The following SLC44A5 variants were observed in gnomAD, a reference collection of about 807,000 sequenced individuals.
SLC44A5 encodes the protein choline transporter-like protein 5.
Under a neutral mutation model 101.8 loss-of-function variants are expected in SLC44A5, and 57 were observed. The observed-to-expected ratio is 0.56, with a 90% confidence interval of 0.45 to 0.70. The LOEUF is 0.70. Ranked by LOEUF, SLC44A5 falls within the 30% of genes least tolerant of loss-of-function variation. The pLI is 0.00. For synonymous variants in SLC44A5, 281 were observed against 290.9 expected, an observed-to-expected ratio of 0.97 and a Z score of 0.35; for missense variants, 737 against 853.1, an observed-to-expected ratio of 0.86 and a Z score of 1.70.
At chr1:75,557,750 G>A (rs1295918991) in intron 1 of SLC44A5, among the ~76,000 whole-genome samples, 2 of 151,962 alleles carry the variant, frequency 1.3e-5, no homozygotes. Flanking sequence ...CCAGTATTTT[G>A]GTCAATTAGA....
chr1:75,635,309 G>A, the SLC44A5 span, among the ~76,000 whole-genome samples: 1 of 151,944 alleles, frequency 6.6e-6, no homozygotes, highest in Non-Finnish European at 1.5e-5. Flanking sequence ...CCATTACTGG[G>A]TATATACCCA....
intron 20 of SLC44A5, 137 bp downstream of exon 20, chr1:75,214,468 A>C: frequency 1.6e-6 from 1 of 622,842 alleles, no homozygotes; most frequent in South Asian, 2.9e-5. Context: ...ATGAGAGAGA[A>C]TATTTAAATC....
the SLC44A5 span, among the ~76,000 whole-genome samples, chr1:75,637,518 G>C: frequency 6.6e-6 from 1 of 152,058 alleles, no homozygotes; most frequent in Admixed American, 6.6e-5. Flanking sequence ...GGAATGGAGA[G>C]TTATTGCTTA....
At position 75,275,120 on chromosome 1, in the gene SLC44A5, A is replaced by G. The variant is rs1007849727; in HGVS notation, c.176-78T>C. On this transcript the variant is annotated intron_variant, in intron 5 of 23. Transcript: ENST00000370859. ...AGTTTGATTTGAGATATTAGAATGCACCACTGCAACACACTAACCTCTCCC... is the reference window on the plus strand; with the variant it reads ...AGTTTGATTTGAGATATTAGAATGCGCCACTGCAACACACTAACCTCTCCC... 9.2e-6 allele frequency: 9 copies of G among 973,056 alleles called. No homozygotes were observed. In the African/African-American group the frequency reaches 1.3e-4, roughly 14 times the overall value. The allele number at this position is 973,056 out of a possible 1,614,324, so 60.3% of individuals were successfully genotyped here.
Position 75,364,895 on chromosome 1 carries a change from T to A in SLC44A5, c.53-25265A>T, listed in dbSNP as rs149521960. On this transcript the variant is annotated intron_variant, in intron 3 of 23. Transcript: ENST00000370859. ...GAAGTTTTCTACTAAATATTTTTGT[T>A]CACTTATTGTATTTTTATTTCTAGG... Among the ~76,000 whole-genome samples the A allele has an allele frequency of 3.7e-4, 57 of 152,268 alleles. No individual in the cohort carries two copies. The East Asian group carries it at 9.8e-3, about 26-fold the overall frequency.
In SLC44A5 at chr1:75,242,079, A is replaced by G; in HGVS notation, c.472-18T>C. 3 of 1,605,998 alleles carry G rather than the reference A, an allele frequency of 1.9e-6. No individual in the cohort carries two copies. The highest frequency in any genetic ancestry group is 2.6e-6 in the Non-Finnish European group (3 of 1,173,644). Reference sequence around the variant, plus strand: ...GTGAGAGACTAAAATAGAAGGAAGAACGTTAACATTTCAAAGGCCATGTGA... The same window carrying G: ...GTGAGAGACTAAAATAGAAGGAAGAGCGTTAACATTTCAAAGGCCATGTGA... On this transcript the variant is annotated intron_variant, in intron 8 of 23. Coordinates refer to ENST00000370859, the MANE Select transcript of SLC44A5 (RefSeq NM_001130058.2).
intron 3 of SLC44A5, among the ~76,000 whole-genome samples, chr1:75,374,780 A>G (rs2101195353): frequency 6.6e-6 from 1 of 152,302 alleles, no homozygotes; most frequent in South Asian, 2.1e-4. Context: ...TTGGCCCTCT[A>G]AAAGCACATA....
At chr1:75,422,910 C>A (rs543928585) in intron 2 of SLC44A5, among the ~76,000 whole-genome samples, 1 of 152,298 alleles carries the variant, frequency 6.6e-6, no homozygotes, top group East Asian at 1.9e-4. Context: ...GAGACTCAGA[C>A]TTAACAGAAG....
chr1:75,659,261 C>G, the SLC44A5 span, among the ~76,000 whole-genome samples: 1 of 141,054 alleles, frequency 7.1e-6, no homozygotes, highest in Non-Finnish European at 1.5e-5. Context: ...TTCTATGAAG[C>G]CAGCATTACT....
chr1:75,679,852 T>G, the SLC44A5 span, among the ~76,000 whole-genome samples: 1 of 152,146 alleles, frequency 6.6e-6, no homozygotes, highest in South Asian at 2.1e-4. Context: ...ATCAGTGTGC[T>G]GTATTCAGGA....
chr1:75,666,055 A>C, the SLC44A5 span, among the ~76,000 whole-genome samples: 1 of 152,334 alleles, frequency 6.6e-6, no homozygotes, highest in South Asian at 2.1e-4. Flanking sequence ...TGTGGAAAGC[A>C]ATTTGGAGAT....
intron 1 of SLC44A5, among the ~76,000 whole-genome samples, chr1:75,599,357 A>G (rs1019488947): frequency 6.6e-6 from 1 of 152,192 alleles, no homozygotes; most frequent in Non-Finnish European, 1.5e-5. Flanking sequence ...ACTAACTGAT[A>G]GCGCATCAAC....
chr1:75,358,704 T>C (rs946935560), intron 3 of SLC44A5, among the ~76,000 whole-genome samples: 11 of 152,228 alleles, frequency 7.2e-5, no homozygotes, highest in Admixed American at 4.6e-4. Context: ...TAATTTTTTA[T>C]TAACATTATT....
chr1:75,659,805 T>C, the SLC44A5 span, among the ~76,000 whole-genome samples: 4 of 151,822 alleles, frequency 2.6e-5, no homozygotes, highest in African/African-American at 9.7e-5. Context: ...CCGATGAACA[T>C]AGATACAAAA....
chr1:75,609,982 G>A (rs971076039), intron 1 of SLC44A5, among the ~76,000 whole-genome samples: 11 of 151,980 alleles, frequency 7.2e-5, no homozygotes, highest in Non-Finnish European at 1.3e-4. Context: ...TCAGATGTTG[G>A]CTGAAGCTAC....
chr1:75,356,750 G>A lies in SLC44A5; in HGVS notation c.53-17120C>T, dbSNP rs142272643. The stretch of plus-strand genomic sequence containing the variant: ...GTCTTGAAAATTAATTGTAAGTGCC[G>A]TATTTACAGGTGTGCCATTTTAAAT... On this transcript the variant is annotated intron_variant, in intron 3 of 23. Coordinates refer to ENST00000370859, the MANE Select transcript of SLC44A5 (RefSeq NM_001130058.2). 5.3e-3 allele frequency among the ~76,000 whole-genome samples: 814 copies of A among 152,194 alleles called. 6 individuals carry two copies. The highest frequency in any genetic ancestry group is 0.019 in the African/African-American group (771 of 41,530).
intron 2 of SLC44A5, among the ~76,000 whole-genome samples, chr1:75,482,646 G>C (rs1008628566): frequency 1.3e-5 from 2 of 152,114 alleles, no homozygotes; most frequent in African/African-American, 4.8e-5. Flanking sequence ...TCAGGAACAT[G>C]AGTCTAATAC....
At chr1:75,464,115 G>A (rs1316629622) in intron 2 of SLC44A5, among the ~76,000 whole-genome samples, 8 of 151,252 alleles carry the variant, frequency 5.3e-5, no homozygotes, top group South Asian at 2.1e-4. Flanking sequence ...CTAGCTACTC[G>A]GGAGGCTGAG....
At chr1:75,657,541 C>T in the SLC44A5 span, among the ~76,000 whole-genome samples, 2 of 133,496 alleles carry the variant, frequency 1.5e-5, no homozygotes, top group African/African-American at 5.2e-5. Context: ...GAGCAAGACT[C>T]TTTCTTAAAA....
Sources: gnomAD v4.1 joint callset for allele counts (sites outside exome capture counted in the v4.1 genomes callset) on GRCh38, gnomAD v4.1.1 for gene constraint, MANE v1.5 for transcripts, NCBI Gene and HGNC (gene_info 2026-07-23, HGNC 2026-07-21) for gene names.